CSMD1: variants seen among roughly 807,000 people sequenced by gnomAD.
The protein encoded by CSMD1 is CUB and Sushi multiple domains 1.
In CSMD1, 213 loss-of-function variants were observed where a neutral mutation model predicts 417.5. The observed-to-expected ratio is 0.51, with a 90% CI of 0.46 to 0.57. The LOEUF (loss-of-function observed/expected upper bound fraction) is 0.57. CSMD1 is among the 20% of genes least tolerant of loss of function. CSMD1 has a pLI of 0.00. For synonymous variants in CSMD1, 2,862 were observed against 1,736.8 expected, an observed-to-expected ratio of 1.65 and a Z score of -16.11; for missense variants, 6,923 against 4,529.7, an observed-to-expected ratio of 1.53 and a Z score of -15.17.
At chr8:4,191,814 C>G (rs897255711) in intron 3 of CSMD1, among the ~76,000 whole-genome samples, 3 of 150,860 alleles carry the variant, frequency 2.0e-5, no homozygotes, top group Non-Finnish European at 2.9e-5. Flanking sequence ...CATCTCCTAT[C>G]GAATGATTTA....
chr8:4,687,816 CACAA>C (rs1806488188), intron 1 of CSMD1, among the ~76,000 whole-genome samples: 1 of 136,422 alleles, frequency 7.3e-6, no homozygotes, highest in South Asian at 2.5e-4. Flanking sequence ...GACAGATACA[CACAA>C]ACACACATAC....
chr8:3,429,772 T>A (rs1814099139), intron 12 of CSMD1, among the ~76,000 whole-genome samples: 1 of 152,154 alleles, frequency 6.6e-6, no homozygotes, highest in African/African-American at 2.4e-5. Context: ...GGTTGTTGTT[T>A]TCTATGGTTT....
intron 3 of CSMD1, among the ~76,000 whole-genome samples, chr8:4,088,382 G>A (rs999009817): frequency 1.3e-5 from 2 of 152,224 alleles, no homozygotes; most frequent in Non-Finnish European, 2.9e-5. Flanking sequence ...TTGCGGGAAA[G>A]AGCTTTGTCG....
intron 18 of CSMD1, among the ~76,000 whole-genome samples, chr8:3,376,831 GT>G (rs745795190): frequency 3.7e-4 from 56 of 151,946 alleles, no homozygotes; most frequent in Non-Finnish European, 6.3e-4. Flanking sequence ...ATGTTTAAAG[GT>G]TTAAATATCC....
At chr8:3,365,778 A>T (rs1809522812) in intron 20 of CSMD1, among the ~76,000 whole-genome samples, 1 of 152,188 alleles carries the variant, frequency 6.6e-6, no homozygotes, top group Admixed American at 6.5e-5. Context: ...GGGGGTTGAC[A>T]CCCCAACCCT....
intron 2 of CSMD1, among the ~76,000 whole-genome samples, chr8:4,563,914 T>G (rs1336114480): frequency 1.3e-5 from 2 of 152,202 alleles, no homozygotes; most frequent in Non-Finnish European, 2.9e-5. Flanking sequence ...ATGTTTCTTC[T>G]GTAGCACAGT....
chr8:3,598,584 G>A (rs1801204842), intron 8 of CSMD1, among the ~76,000 whole-genome samples: 1 of 152,126 alleles, frequency 6.6e-6, no homozygotes, highest in Non-Finnish European at 1.5e-5. Flanking sequence ...GGACTTTTCT[G>A]TTGTTCCTTC....
chr8:4,758,455 A>T (rs1196930544), intron 1 of CSMD1, among the ~76,000 whole-genome samples: 1 of 152,184 alleles, frequency 6.6e-6, no homozygotes, highest in East Asian at 1.9e-4. Context: ...AGGAAGCGTG[A>T]GCAAGGAAGG....
chr8:3,323,098 T>C (rs1218648020), intron 23 of CSMD1, among the ~76,000 whole-genome samples: 1 of 152,224 alleles, frequency 6.6e-6, no homozygotes, highest in Admixed American at 6.5e-5. Flanking sequence ...CTGTCATTTA[T>C]CTTTCCACCT....
chr8:3,880,808 T>C (rs750436345), intron 5 of CSMD1, among the ~76,000 whole-genome samples: 5 of 152,232 alleles, frequency 3.3e-5, no homozygotes, highest in Non-Finnish European at 7.3e-5. Context: ...TGGTTGGTTA[T>C]AAAGATAATT....
chr8:2,973,474 A>T (rs1403298393), intron 56 of CSMD1, among the ~76,000 whole-genome samples, 175 bp from the exon 57 acceptor site: 2 of 152,216 alleles, frequency 1.3e-5, no homozygotes, highest in East Asian at 3.8e-4. Context: ...CCCCAAAATG[A>T]AAAGAATTTA....
chr8:4,438,816 G>A (rs756405578), intron 2 of CSMD1, among the ~76,000 whole-genome samples: 17 of 152,282 alleles, frequency 1.1e-4, no homozygotes, highest in Non-Finnish European at 2.1e-4. Flanking sequence ...TATTATTCAA[G>A]ATCTAATTCT....
intron 1 of CSMD1, among the ~76,000 whole-genome samples, chr8:4,686,246 G>C (rs1391208880): frequency 2.0e-5 from 3 of 152,214 alleles, no homozygotes; most frequent in Non-Finnish European, 4.4e-5. Context: ...TTTTCCTCTT[G>C]CCAAGCACGA....
Position 4,266,406 on chromosome 8 carries a change from G to A in CSMD1, c.415+153547C>T, listed in dbSNP as rs184638756. The stretch of plus-strand genomic sequence containing the variant: ...AAAATATTAATATAGTTCATTTTAT[G>A]TGTAATAATGTGATTTCATTATAAT... On this transcript the variant is annotated intron_variant, in intron 3 of 69. Transcript: ENST00000635120. Among the ~76,000 whole-genome samples, 26 of 104,914 alleles carry A rather than the reference G, an allele frequency of 2.5e-4. 9 individuals carry two copies. Among genetic ancestry groups the A allele is most frequent in the Admixed American group, 6.3e-4 (7 of 11,136 alleles). 68.8% of individuals were successfully genotyped at this position (104,914 alleles called of 152,430 possible). A position where few individuals can be genotyped will look rare whatever the true frequency, so the allele number is the denominator to read the frequency against.
intron 3 of CSMD1, among the ~76,000 whole-genome samples, chr8:4,035,418 A>C (rs1797566416): frequency 1.3e-5 from 2 of 152,188 alleles, no homozygotes; most frequent in African/African-American, 4.8e-5. Flanking sequence ...TTTTACTGTA[A>C]AACAACCTTA....
chr8:3,758,380 T>C (rs1325478589), intron 5 of CSMD1, among the ~76,000 whole-genome samples: 1 of 152,240 alleles, frequency 6.6e-6, no homozygotes, highest in East Asian at 1.9e-4. Context: ...TTTTTGTACA[T>C]GAATTTCCTG....
intron 2 of CSMD1, among the ~76,000 whole-genome samples, chr8:4,499,870 G>T (rs1328844078): frequency 6.6e-6 from 1 of 152,308 alleles, no homozygotes; most frequent in Admixed American, 6.5e-5. Flanking sequence ...AATATCAAGG[G>T]AAAGTAATGG....
At chr8:3,427,147 C>T (rs953372747) in intron 12 of CSMD1, among the ~76,000 whole-genome samples, 3 of 152,148 alleles carry the variant, frequency 2.0e-5, no homozygotes, top group African/African-American at 7.2e-5. Context: ...TTATGGGGAT[C>T]ATAGGGACTA....
At chr8:3,347,619 G>T (rs1382816240) in intron 22 of CSMD1, among the ~76,000 whole-genome samples, 1 of 152,144 alleles carries the variant, frequency 6.6e-6, no homozygotes, top group Non-Finnish European at 1.5e-5. Context: ...CTATGTGCTA[G>T]ACACAATGCT....
Sources: gnomAD v4.1 joint callset for allele counts (sites outside exome capture counted in the v4.1 genomes callset) on GRCh38, gnomAD v4.1.1 for gene constraint, MANE v1.5 for transcripts, NCBI Gene and HGNC (gene_info 2026-07-23, HGNC 2026-07-21) for gene names.